Variants in PCDHGB2 observed in about 807,000 individuals in gnomAD.
PCDHGB2 encodes protocadherin gamma subfamily B, 2, also known as protocadherin gamma-B2.
In PCDHGB2, 55 loss-of-function variants were observed where a neutral mutation model predicts 59.3. The ratio of observed to expected loss-of-function variants is 0.93; its 90% CI spans 0.75 to 1.16. The LOEUF is 1.16. PCDHGB2 is among the 50% of genes most tolerant of loss of function. PCDHGB2 has a pLI of 0.00. For synonymous variants in PCDHGB2, 516 were observed against 512.0 expected, an observed-to-expected ratio of 1.01 and a Z score of -0.11; for missense variants, 1,228 against 1,198.5, an observed-to-expected ratio of 1.02 and a Z score of -0.36.
intron 1 of PCDHGB2, among the ~76,000 whole-genome samples, chr5:141,425,585 A>G (rs1270579511): frequency 6.6e-6 from 1 of 152,252 alleles, no homozygotes; most frequent in African/African-American, 2.4e-5. Flanking sequence ...GGCTAACTTT[A>G]TTCTGAATAT....
intron 1 of PCDHGB2, chr5:141,374,905 CG>C: frequency 6.2e-7 from 1 of 1,613,734 alleles, no homozygotes; most frequent in Non-Finnish European, 8.5e-7. Flanking sequence ...AAGGAGTCCA[CG>C]GGGAAGTAAC....
At chr5:141,389,919 C>T (rs777835466) in intron 1 of PCDHGB2, 22 of 1,613,962 alleles carry the variant, frequency 1.4e-5, no homozygotes, top group Middle Eastern at 1.6e-4. Context: ...CCGCCCCGAC[C>T]CCTCTGACCT....
chr5:141,392,145 C>T (rs2150471723), intron 1 of PCDHGB2: 1 of 152,264 alleles, frequency 6.6e-6, no homozygotes, highest in East Asian at 1.9e-4. Context: ...GTAGTTTAAA[C>T]CAAATAAAAC....
chr5:141,471,047 T>C (rs1270779800), intron 1 of PCDHGB2, among the ~76,000 whole-genome samples: 3 of 63,666 alleles, frequency 4.7e-5, no homozygotes. Flanking sequence ...CCAAGCCCTC[T>C]TTTTTTTTTT....
intron 1 of PCDHGB2, among the ~76,000 whole-genome samples, chr5:141,380,434 T>C (rs919623948): frequency 6.6e-6 from 1 of 152,208 alleles, no homozygotes; most frequent in South Asian, 2.1e-4. Flanking sequence ...AGACTTTACA[T>C]AGAATTCTTT....
intron 1 of PCDHGB2, chr5:141,384,588 G>C: frequency 1.2e-6 from 2 of 1,614,242 alleles, no homozygotes; most frequent in Middle Eastern, 1.6e-4. Context: ...CCGAGATCCT[G>C]TACCCGGCCC....
chr5:141,477,013 T>C lies in PCDHGB2; in HGVS notation c.2422-17794T>C. ...TGCGGCAACTATTCGCCTTAGACCT[T>C]GTAACCGGGATGCTGACAATCAAGG... On this transcript the variant is annotated intron_variant, in intron 1 of 3. Coordinates refer to ENST00000522605, the MANE Select transcript of PCDHGB2 (RefSeq NM_018923.3). The surrounding 1 kb of genome is among the most constrained non-coding windows in gnomAD (Gnocchi z 4.9). 6.2e-7 allele frequency: 1 copy of C among 1,614,204 alleles called. No homozygotes were observed. The highest frequency in any genetic ancestry group is 8.5e-7 in the Non-Finnish European group (1 of 1,180,028).
At chr5:141,364,213 C>A (rs1212511912) in intron 1 of PCDHGB2, 4 of 1,275,024 alleles carry the variant, frequency 3.1e-6, no homozygotes, top group East Asian at 2.6e-5. Context: ...CAAGCTCCTA[C>A]GAAAAGCCAA....
intron 1 of PCDHGB2, chr5:141,384,267 C>T (rs1170671342): frequency 6.2e-7 from 1 of 1,613,862 alleles, no homozygotes; most frequent in East Asian, 2.2e-5. Context: ...CCCACTCATC[C>T]TACTCAGTCT....
chr5:141,392,942 C>T, intron 1 of PCDHGB2: 2 of 1,613,954 alleles, frequency 1.2e-6, no homozygotes, highest in Non-Finnish European at 1.7e-6. Context: ...ACAAAGGCTC[C>T]TTCGTGGGTA....
chr5:141,376,452 C>T (rs1186920662), intron 1 of PCDHGB2: 2 of 1,614,094 alleles, frequency 1.2e-6, no homozygotes, highest in Non-Finnish European at 1.7e-6. Flanking sequence ...AAAAGCGAGC[C>T]TCTTCTGATA....
At chr5:141,384,686 A>G (rs1314292313) in intron 1 of PCDHGB2, 1 of 1,613,842 alleles carries the variant, frequency 6.2e-7, no homozygotes, top group African/African-American at 1.3e-5. Context: ...GCGGTGGACA[A>G]AGATTCAGGC....
In PCDHGB2 at chr5:141,476,868, C is replaced by G. The variant is rs1213404395; in HGVS notation, c.2422-17939C>G. On this transcript the variant is annotated intron_variant, in intron 1 of 3. Transcript: ENST00000522605. This position sits in a 1 kb window ranked among gnomAD's most constrained non-coding sequence, Gnocchi z 7.6. Reference sequence around the variant, plus strand: ...GTCTTCAACCAGTCCTTGTACCGGGCGCGCGTCCTGGAGGATGCACCCTCC... The same window carrying G: ...GTCTTCAACCAGTCCTTGTACCGGGGGCGCGTCCTGGAGGATGCACCCTCC... 2.5e-6 allele frequency: 4 copies of G among 1,613,874 alleles called. No homozygotes were observed. Among genetic ancestry groups the G allele is most frequent in the Non-Finnish European group, 3.4e-6 (4 of 1,180,050 alleles).
chr5:141,393,879 G>A, intron 1 of PCDHGB2: 1 of 1,614,010 alleles, frequency 6.2e-7, no homozygotes, highest in Non-Finnish European at 8.5e-7. Context: ...GTTTAGCCCA[G>A]TGTTAGAAAA....
At chr5:141,388,448 C>T in intron 1 of PCDHGB2, 1 of 1,613,760 alleles carries the variant, frequency 6.2e-7, no homozygotes, top group Non-Finnish European at 8.5e-7. Context: ...AATCAGATGG[C>T]AGTAAATACC....
At chr5:141,484,873 G>A (rs754469397) in intron 1 of PCDHGB2, 50 of 322,006 alleles carry the variant, frequency 1.6e-4, no homozygotes, top group Non-Finnish European at 2.5e-4. Flanking sequence ...GAGCGTGGAG[G>A]ATAGGGTGGG....
chr5:141,489,073 C>A lies in PCDHGB2; in HGVS notation c.2422-5734C>A, dbSNP rs2099681983. 3.2e-6 allele frequency: 1 copy of A among 315,630 alleles called. No individual in the cohort carries two copies. The highest frequency in any genetic ancestry group is 5.7e-6 in the Non-Finnish European group (1 of 173,976). 19.6% of individuals were successfully genotyped at this position (315,630 alleles called of 1,614,324 possible). A position where few individuals can be genotyped will look rare whatever the true frequency, so the allele number is the denominator to read the frequency against. ...ATTCAGCTCCCCTCCCCCCTGCCCA[C>A]CCCCGCCACTCGGTGACTAAGAACT... On this transcript the variant is annotated intron_variant, in intron 1 of 3. Coordinates refer to ENST00000522605, the MANE Select transcript of PCDHGB2 (RefSeq NM_018923.3). The surrounding 1 kb of genome is among the most constrained non-coding windows in gnomAD (Gnocchi z 4.5).
At chr5:141,415,560 GT>G in intron 1 of PCDHGB2, 1 of 1,613,936 alleles carries the variant, frequency 6.2e-7, no homozygotes, top group Non-Finnish European at 8.5e-7. Flanking sequence ...ACGATCCTTT[GT>G]CTTTGTTAGA....
rs762910422 is a variant in PCDHGB2, at chr5:141,485,747, C to T, written c.2422-9060C>T. ...GAAGCGCAGCGACGGCAGCCTGGTCCCAGAGCTGCTCCTGGAGAAGCCTTT... is the reference window on the plus strand; with the variant it reads ...GAAGCGCAGCGACGGCAGCCTGGTCTCAGAGCTGCTCCTGGAGAAGCCTTT... On this transcript the variant is annotated intron_variant, in intron 1 of 3. Coordinates refer to ENST00000522605, the MANE Select transcript of PCDHGB2 (RefSeq NM_018923.3). This position sits in a 1 kb window ranked among gnomAD's most constrained non-coding sequence, Gnocchi z 5.7. 1 of 1,614,162 alleles carries T rather than the reference C, an allele frequency of 6.2e-7. No individual in the cohort carries two copies.
Sources: gnomAD v4.1 joint callset for allele counts (sites outside exome capture counted in the v4.1 genomes callset) on GRCh38, gnomAD v4.1.1 for gene constraint, Gnocchi (gnomAD v3.1) non-coding constraint, MANE v1.5 for transcripts, NCBI Gene and HGNC (gene_info 2026-07-23, HGNC 2026-07-21) for gene names.